Variants in BCORL1 observed in about 807,000 individuals in gnomAD.
The protein encoded by BCORL1 is BCL6 corepressor like 1.
A neutral mutation model predicts 87.6 loss-of-function variants in BCORL1; 7 were observed. That is an observed-to-expected ratio of 0.08 (90% CI 0.05 to 0.15). BCORL1 has a LOEUF of 0.15. Ranked by LOEUF, BCORL1 falls within the 10% of genes least tolerant of loss-of-function variation. The pLI is 1.00. For synonymous variants in BCORL1, 591 were observed against 634.4 expected, an observed-to-expected ratio of 0.93 and a Z score of 1.03; for missense variants, 1,215 against 1,499.7, an observed-to-expected ratio of 0.81 and a Z score of 3.13.
rs188957722 is a variant in BCORL1 at position 130,014,513 on chromosome X, G to A, written c.1741G>A (p.Ala581Thr). Residue 581 changes from alanine to threonine, a missense_variant, in exon 4 of 14, where the codon GCC (alanine) becomes ACC (threonine). Ala to Thr is a moderately conservative substitution (Grantham distance 58). This residue lies in a region of BCORL1 where 861 missense variants were observed against 1,010.0 expected (regional missense o/e 0.85). Transcript: ENST00000540052. ...PSGSSAPPHP[A>T]KMPSGTEQQT... Reference sequence around the variant, plus strand: ...TGGGAGCTCAGCCCCACCGCACCCCGCCAAGATGCCCAGTGGCACCGAGCA... The same window carrying A: ...TGGGAGCTCAGCCCCACCGCACCCCACCAAGATGCCCAGTGGCACCGAGCA... 1.5e-5 allele frequency: 18 copies of A among 1,209,328 alleles called. No individual in the cohort carries two copies. The highest frequency in any genetic ancestry group is 2.0e-5 in the Non-Finnish European group (18 of 895,085).
rs2124595939 is a variant in BCORL1 at position 130,055,958 on chromosome X, A to G, written c.5180A>G (p.Lys1727Arg). 8.3e-7 allele frequency: 1 copy of G among 1,212,041 alleles called. No homozygotes were observed. Among genetic ancestry groups the G allele is most frequent in the East Asian group, 3.0e-5 (1 of 33,840 alleles). Residue 1727 changes from lysine to arginine, a missense_variant, in exon 14 of 14, where the codon AAG becomes AGG. By Grantham distance (26) the Lys-to-Arg change is conservative (BLOSUM62 2). This residue lies in a region of BCORL1 where 129 missense variants were observed against 157.5 expected (regional missense o/e 0.82). Coordinates refer to ENST00000540052, the MANE Select transcript of BCORL1 (RefSeq NM_001379451.1). ...CACTTTGAAATCACCACCATGCCCA[A>G]GGCCGAGTTCTACAGGCAGGTGGCC... Reference protein sequence around the residue: ...FPHFEITTMPKAEFYRQVASS... With the variant: ...FPHFEITTMPRAEFYRQVASS...
intron 11 of BCORL1, among the ~76,000 whole-genome samples, chrX:130,049,706 T>C (rs1000079913): frequency 8.9e-6 from 1 of 112,409 alleles, no homozygotes; most frequent in Admixed American, 9.4e-5. Flanking sequence ...CTTTGGGATA[T>C]ATACCTAGGA....
intron 2 of BCORL1, among the ~76,000 whole-genome samples, chrX:130,010,037 T>C (rs1199718959): frequency 2.7e-5 from 3 of 112,088 alleles, no homozygotes; most frequent in African/African-American, 9.7e-5. Context: ...GGGGCTGGAC[T>C]CAGGTGTGGG....
Position 130,015,791 on chromosome X carries a change from C to T in BCORL1, c.3019C>T (p.Pro1007Ser). Residue 1007 changes from proline to serine, a missense_variant, in exon 4 of 14, where the codon CCT becomes TCT. Pro to Ser is a moderately conservative substitution (Grantham distance 74). Transcript: ENST00000540052. Reference sequence around the variant, plus strand: ...CACCCCCCAGAACCTGCCTAAGATGCCTGAGCTGCCTTTGCTACCTCACGA... The same window carrying T: ...CACCCCCCAGAACCTGCCTAAGATGTCTGAGCTGCCTTTGCTACCTCACGA... ...LATPQNLPKMPELPLLPHDSH... is the reference protein window; with the variant it reads ...LATPQNLPKMSELPLLPHDSH... 1 of 1,211,786 alleles carries T rather than the reference C, an allele frequency of 8.3e-7. No homozygotes were observed. The highest frequency in any genetic ancestry group is 1.1e-6 in the Non-Finnish European group (1 of 895,549).
intron 1 of BCORL1, among the ~76,000 whole-genome samples, chrX:129,992,834 G>A (rs1339134561): frequency 9.0e-6 from 1 of 111,087 alleles, no homozygotes; most frequent in Non-Finnish European, 1.9e-5. Flanking sequence ...GGGATTACAG[G>A]TGTGAGCCAG....
At chrX:129,995,525 T>C (rs1603073433) in intron 1 of BCORL1, among the ~76,000 whole-genome samples, 1 of 108,354 alleles carries the variant, frequency 9.2e-6, no homozygotes, top group East Asian at 3.0e-4. Context: ...ACTGCAACCT[T>C]TGCCTCCCAG....
chrX:130,056,430 C>G lies in BCORL1; in HGVS notation c.*294C>G, dbSNP rs1434470585. The G allele has an allele frequency of 4.0e-6, 1 of 251,699 alleles. No homozygotes were observed. The highest frequency in any genetic ancestry group is 7.0e-6 in the Non-Finnish European group (1 of 142,282). The allele number at this position is 251,699 out of a possible 1,213,427, so 20.7% of individuals were successfully genotyped here. A position where few individuals can be genotyped will look rare whatever the true frequency, so the allele number is the denominator to read the frequency against. On this transcript the variant is annotated 3_prime_UTR_variant, in exon 14 of 14. Coordinates refer to ENST00000540052, the MANE Select transcript of BCORL1 (RefSeq NM_001379451.1). ...GGGTGGTGGGAGGTGGCGCCGGGGTCCCTTGGACTGGCCTCCTTGTTCATG... is the reference window on the plus strand; with the variant it reads ...GGGTGGTGGGAGGTGGCGCCGGGGTGCCTTGGACTGGCCTCCTTGTTCATG...
intron 10 of BCORL1, among the ~76,000 whole-genome samples, chrX:130,038,227 T>A (rs1931075155): frequency 8.9e-6 from 1 of 111,907 alleles, no homozygotes; most frequent in African/African-American, 3.2e-5. Context: ...TATCCAGATT[T>A]GATTTTTAAA....
intron 1 of BCORL1, among the ~76,000 whole-genome samples, chrX:129,993,686 C>T (rs1184494861): frequency 4.5e-5 from 5 of 112,180 alleles, no homozygotes; most frequent in African/African-American, 1.6e-4. Flanking sequence ...AGACCCGTCT[C>T]AAAGAAAGAA....
chrX:130,020,271 A>G (rs759096438), intron 4 of BCORL1, among the ~76,000 whole-genome samples: 2 of 112,038 alleles, frequency 1.8e-5, no homozygotes, highest in African/African-American at 6.5e-5. Context: ...CCGTTTTCTT[A>G]TCTGTTCAGT....
At chrX:130,052,248 G>T (rs191643196) in intron 13 of BCORL1, among the ~76,000 whole-genome samples, 1 of 112,661 alleles carries the variant, frequency 8.9e-6, no homozygotes, top group African/African-American at 3.2e-5. Context: ...CTCTCGGAAG[G>T]CTTTTTTTGC....
Position 130,055,752 on chromosome X carries a change from T to C in BCORL1, c.5076-102T>C, listed in dbSNP as rs7880161. The C allele has an allele frequency of 0.013, 11,289 of 895,489 alleles. 752 individuals are homozygous for C. In the African/African-American group the frequency reaches 0.19, roughly 15 times the overall value. The allele number at this position is 895,489 out of a possible 1,213,427, so 73.8% of individuals were successfully genotyped here. A position where few individuals can be genotyped will look rare whatever the true frequency, so the allele number is the denominator to read the frequency against. On this transcript the variant is annotated intron_variant, in intron 13 of 13. Transcript: ENST00000540052. ...GGCAGTGAGTTATAATGGGAGACAT[T>C]GATGGTCGTGCAGCCTTTGTGGGCT...
intron 8 of BCORL1, among the ~76,000 whole-genome samples, chrX:130,030,128 T>A (rs1389577033): frequency 1.8e-5 from 2 of 112,171 alleles, no homozygotes; most frequent in African/African-American, 6.5e-5. Flanking sequence ...CTTCATGCCC[T>A]TTCTGTCTCA....
chrX:129,980,883 C>A (rs1192856189), upstream of BCORL1, among the ~76,000 whole-genome samples: 1 of 102,311 alleles, frequency 9.8e-6, no homozygotes, highest in Non-Finnish European at 2.0e-5. Flanking sequence ...GGGGCTGGGC[C>A]GGACCCGCAG....
intron 13 of BCORL1, among the ~76,000 whole-genome samples, chrX:130,055,613 G>A (rs1012032574): frequency 1.8e-5 from 2 of 112,850 alleles, no homozygotes; most frequent in Non-Finnish European, 1.9e-5. Context: ...CACTGATTGC[G>A]TGCTCACCAT....
chrX:129,982,086 A>G (rs1202026149), upstream of BCORL1, among the ~76,000 whole-genome samples: 1 of 110,225 alleles, frequency 9.1e-6, no homozygotes, highest in Non-Finnish European at 1.9e-5. Context: ...CAGTGGCCTG[A>G]GAAAGTCAGG....
intron 8 of BCORL1, among the ~76,000 whole-genome samples, chrX:130,029,647 T>TCTC (rs767685403): frequency 8.3e-4 from 90 of 108,074 alleles, no homozygotes; most frequent in African/African-American, 2.8e-3. Flanking sequence ...TTATTTTTTT[T>TCTC]TTTCTCTCTC....
chrX:130,039,363 T>G (rs1438075053), intron 11 of BCORL1, 81 bp downstream of exon 11: 3 of 1,112,398 alleles, frequency 2.7e-6, no homozygotes, highest in Non-Finnish European at 3.6e-6. Flanking sequence ...CCTCTTCATC[T>G]CCTTCCACCT....
Position 130,056,291 on chromosome X carries a change from GT to G in BCORL1, c.*160del. ...CAATGCCAGCATTAGCGACTGGACT[GT>G]TTTTGTTTTTTTGGTTACAATTAGT... On this transcript the variant is annotated 3_prime_UTR_variant, in exon 14 of 14. Coordinates refer to ENST00000540052, the MANE Select transcript of BCORL1 (RefSeq NM_001379451.1). The G allele has an allele frequency of 5.1e-6, 3 of 583,815 alleles. No homozygotes were observed. The highest frequency in any genetic ancestry group is 4.6e-5 in the South Asian group (1 of 21,824). 48.1% of individuals were successfully genotyped at this position (583,815 alleles called of 1,213,427 possible).
Sources: allele counts gnomAD v4.1 joint callset (sites outside exome capture counted in the v4.1 genomes callset), GRCh38; gene constraint gnomAD v4.1.1; regional missense constraint gnomAD v4.1.1; transcripts MANE v1.5; gene names NCBI Gene and HGNC (gene_info 2026-07-23, HGNC 2026-07-21).